The following CSMD1 variants were observed in gnomAD, a reference collection of about 807,000 sequenced individuals.
CSMD1 encodes CUB and sushi domain-containing protein 1.
Under a neutral mutation model 417.5 loss-of-function variants are expected in CSMD1, and 213 were observed. That is an observed-to-expected ratio of 0.51 (90% CI 0.46 to 0.57). The LOEUF (loss-of-function observed/expected upper bound fraction) is 0.57, where lower values mean the gene tolerates loss of function less well. Ranked by LOEUF, CSMD1 falls within the 20% of genes least tolerant of loss-of-function variation. The pLI, the probability that CSMD1 is intolerant of heterozygous loss-of-function variation, is 0.00. For missense variants in CSMD1, 6,923 were observed against 4,529.7 expected (o/e 1.53, Z -15.17); for synonymous variants, 2,862 against 1,736.8 (o/e 1.65, Z -16.11).
chr8:3,815,267 G>C lies in CSMD1; in HGVS notation c.819-61225C>G, dbSNP rs373054228. Among the ~76,000 whole-genome samples, 20 of 152,252 alleles carry C rather than the reference G, an allele frequency of 1.3e-4. No individual in the cohort carries two copies. In the East Asian group the frequency reaches 3.9e-3, roughly 29 times the overall value. The stretch of plus-strand genomic sequence containing the variant: ...ATTTGGGTAAAGTGTCTGAGGATGT[G>C]TCATTGATAACAGAAGAAAGAATAA... On this transcript the variant is annotated intron_variant, in intron 5 of 69. Coordinates refer to ENST00000635120, the MANE Select transcript of CSMD1 (RefSeq NM_033225.6).
At chr8:4,604,273 A>C (rs747153663) in intron 2 of CSMD1, among the ~76,000 whole-genome samples, 2 of 151,962 alleles carry the variant, frequency 1.3e-5, no homozygotes, top group African/African-American at 2.4e-5. Flanking sequence ...ATAAAGGTAC[A>C]ATAGATATAA....
rs892426784 is a variant in CSMD1, at chr8:3,681,342, C to A, written c.1009+27072G>T. Among the ~76,000 whole-genome samples, 7 of 152,138 alleles carry A rather than the reference C, an allele frequency of 4.6e-5. No homozygotes were observed. In the South Asian group the frequency reaches 1.5e-3, roughly 32 times the overall value. On this transcript the variant is annotated intron_variant, in intron 7 of 69. Coordinates refer to ENST00000635120, the MANE Select transcript of CSMD1 (RefSeq NM_033225.6). ...AGCTGATAAGCAACTTCAGCAAAGT[C>A]TCAGGATACAAAATCAATGTGCAAA...
chr8:3,721,809 A>G (rs912688908), intron 6 of CSMD1, among the ~76,000 whole-genome samples: 1 of 152,148 alleles, frequency 6.6e-6, no homozygotes, highest in Non-Finnish European at 1.5e-5. Flanking sequence ...ATCATAAGCC[A>G]TTTTTTGAGA....
At chr8:3,583,566 C>G (rs983833059) in intron 9 of CSMD1, among the ~76,000 whole-genome samples, 1 of 151,900 alleles carries the variant, frequency 6.6e-6, no homozygotes, top group Non-Finnish European at 1.5e-5. Context: ...GGCCATGTGT[C>G]CAAGAGGCCA....
chr8:4,282,286 A>T (rs1434481421), intron 3 of CSMD1, among the ~76,000 whole-genome samples: 2 of 152,180 alleles, frequency 1.3e-5, no homozygotes, highest in Admixed American at 6.5e-5. Context: ...TTACAGATAG[A>T]ACTGATGAAG....
intron 57 of CSMD1, among the ~76,000 whole-genome samples, chr8:2,970,651 C>T (rs1337316777): frequency 6.6e-6 from 1 of 152,048 alleles, no homozygotes; most frequent in African/African-American, 2.4e-5. Context: ...TGTTTTTAAA[C>T]AATGGAGAAT....
At chr8:4,009,875 A>C (rs1816411173) in intron 4 of CSMD1, among the ~76,000 whole-genome samples, 1 of 152,062 alleles carries the variant, frequency 6.6e-6, no homozygotes, top group Non-Finnish European at 1.5e-5. Flanking sequence ...GTACTCTCGT[A>C]CATCCTTTGT....
chr8:4,286,912 G>C (rs62478592), intron 3 of CSMD1, among the ~76,000 whole-genome samples: 16,777 of 152,192 alleles, frequency 0.11, 1,164 homozygotes, highest in Non-Finnish European at 0.16. Flanking sequence ...TGATTCAAAT[G>C]AATCAGTTTT....
At chr8:3,817,292 T>TTTTTTTTTTTA (rs1563109891) in intron 5 of CSMD1, among the ~76,000 whole-genome samples, 1 of 93,548 alleles carries the variant, frequency 1.1e-5, no homozygotes, top group African/African-American at 5.4e-5. Flanking sequence ...TTTTTTTTTT[T>TTTTTTTTTTTA]TTTTTTGAGA....
chr8:3,648,154 G>C (rs1051220229), intron 7 of CSMD1, among the ~76,000 whole-genome samples: 2 of 152,188 alleles, frequency 1.3e-5, no homozygotes, highest in African/African-American at 2.4e-5. Context: ...GATTAAGTTA[G>C]ATACTTCTCT....
intron 3 of CSMD1, among the ~76,000 whole-genome samples, chr8:4,234,037 A>G (rs1801898584): frequency 1.3e-5 from 2 of 152,214 alleles, no homozygotes; most frequent in South Asian, 2.1e-4. Context: ...AGAGTCTACC[A>G]TCAGCCAGTG....
In CSMD1 at chr8:2,990,193, A is replaced by T. The variant is rs1265154891; in HGVS notation, c.8377+7818T>A. Among the ~76,000 whole-genome samples, 6 of 152,222 alleles carry T rather than the reference A, an allele frequency of 3.9e-5. No homozygotes were observed. The East Asian group carries it at 1.2e-3, about 29-fold the overall frequency. ...GATTAAAGCTGTTGAATCTTTCCTT[A>T]AGTCCTTGCAGCTGCATGAGCAAGA... On this transcript the variant is annotated intron_variant, in intron 54 of 69. Transcript: ENST00000635120.
intron 10 of CSMD1, among the ~76,000 whole-genome samples, chr8:3,539,073 C>T (rs946662678): frequency 6.6e-6 from 1 of 152,242 alleles, no homozygotes; most frequent in African/African-American, 2.4e-5. Context: ...CACTGAGCCA[C>T]GTCTCTTACA....
At chr8:3,219,174 A>G (rs1434968320) in intron 29 of CSMD1, 81 bp downstream of exon 29, 1 of 1,149,420 alleles carries the variant, frequency 8.7e-7, no homozygotes, top group Non-Finnish European at 1.3e-6. Flanking sequence ...ACAGACAAGC[A>G]AGATGTTACA....
intron 10 of CSMD1, among the ~76,000 whole-genome samples, chr8:3,500,141 T>C (rs1796537347): frequency 6.6e-6 from 1 of 152,148 alleles, no homozygotes; most frequent in Non-Finnish European, 1.5e-5. Context: ...CACGTTCATC[T>C]TTATGCTGCC....
intron 1 of CSMD1, among the ~76,000 whole-genome samples, chr8:4,973,503 A>G (rs1166021468): frequency 6.6e-6 from 1 of 152,178 alleles, no homozygotes; most frequent in Admixed American, 6.6e-5. Context: ...TACCATAGAA[A>G]CTTTGTTGAA....
chr8:4,710,255 A>C (rs1398548118), intron 1 of CSMD1, among the ~76,000 whole-genome samples: 3 of 151,984 alleles, frequency 2.0e-5, no homozygotes, highest in Non-Finnish European at 2.9e-5. Context: ...ACATATATTT[A>C]TACACATTTT....
chr8:4,268,040 A>T (rs1275171154), intron 3 of CSMD1, among the ~76,000 whole-genome samples: 2 of 152,142 alleles, frequency 1.3e-5, no homozygotes, highest in Admixed American at 1.3e-4. Flanking sequence ...GTCATTCTTG[A>T]AAAGTGTGTT....
rs371949875 is a variant in CSMD1 at position 3,578,410 on chromosome 8, C to G, written c.1223-3344G>C. Among the ~76,000 whole-genome samples the G allele has an allele frequency of 2.0e-5, 3 of 151,988 alleles. No homozygotes were observed. The South Asian group carries it at 6.2e-4, about 31-fold the overall frequency. On this transcript the variant is annotated intron_variant, in intron 9 of 69. Coordinates refer to ENST00000635120, the MANE Select transcript of CSMD1 (RefSeq NM_033225.6). ...TAGACGGGAAGGGCACAGCAGCCTG[C>G]GAGGCAGGAAGAATAATGGGTGTCG...
Sources: gnomAD v4.1 joint callset for allele counts (sites outside exome capture counted in the v4.1 genomes callset) on GRCh38, gnomAD v4.1.1 for gene constraint, MANE v1.5 for transcripts, NCBI Gene and HGNC (gene_info 2026-07-23, HGNC 2026-07-21) for gene names.